The following C5orf15 variants were observed in gnomAD, a reference collection of about 807,000 sequenced individuals.
C5orf15 encodes the protein keratinocyte-associated transmembrane protein 2.
Under a neutral mutation model 17.8 loss-of-function variants are expected in C5orf15, and 10 were observed. The ratio of observed to expected loss-of-function variants is 0.56; its 90% CI spans 0.35 to 0.95. C5orf15 has a LOEUF of 0.95. C5orf15 is among the 40% of genes least tolerant of loss of function. C5orf15 has a pLI of 0.02. For synonymous variants in C5orf15, 124 were observed against 131.0 expected, an observed-to-expected ratio of 0.95 and a Z score of 0.36; for missense variants, 319 against 331.7, an observed-to-expected ratio of 0.96 and a Z score of 0.30.
intron 1 of C5orf15, among the ~76,000 whole-genome samples, chr5:133,965,601 T>C (rs1752180736): frequency 6.6e-6 from 1 of 152,214 alleles, no homozygotes; most frequent in Non-Finnish European, 1.5e-5. Flanking sequence ...CTAATTGATA[T>C]TACCTCTCTA....
In C5orf15 at chr5:133,956,725, A is replaced by G; in HGVS notation, c.*134T>C. The stretch of plus-strand genomic sequence containing the variant: ...ATTATATACTCGTTTGTGACATTTA[A>G]TTTCCAAAGCACCAAGGCAAAAGAG... On this transcript the variant is annotated 3_prime_UTR_variant, in exon 3 of 3. Coordinates refer to ENST00000231512, the MANE Select transcript of C5orf15 (RefSeq NM_020199.3). 1.2e-6 allele frequency: 1 copy of G among 855,188 alleles called. No homozygotes were observed. 53.0% of individuals were successfully genotyped at this position (855,188 alleles called of 1,614,324 possible).
intron 1 of C5orf15, 52 bp from the exon 2 acceptor site, chr5:133,960,072 A>T: frequency 4.0e-6 from 6 of 1,508,424 alleles, no homozygotes; most frequent in Middle Eastern, 2.0e-4. Context: ...ATCTCCACCA[A>T]GCTAAAAGCA....
intron 1 of C5orf15, among the ~76,000 whole-genome samples, chr5:133,963,694 C>G (rs1752152660): frequency 6.6e-6 from 1 of 151,240 alleles, no homozygotes; most frequent in African/African-American, 2.4e-5. Flanking sequence ...CTAAATACAT[C>G]AATTAAAAAA....
chr5:133,966,479 C>T (rs1688715355), intron 1 of C5orf15, among the ~76,000 whole-genome samples: 1 of 152,138 alleles, frequency 6.6e-6, no homozygotes, highest in African/African-American at 2.4e-5. Context: ...GAATTAGTCA[C>T]CCAGTGATCC....
At chr5:133,965,843 T>C (rs561725005) in intron 1 of C5orf15, among the ~76,000 whole-genome samples, 8 of 152,326 alleles carry the variant, frequency 5.3e-5, no homozygotes, top group African/African-American at 1.9e-4. Context: ...GAGGACTGCT[T>C]GAGCCCAGGA....
At chr5:133,963,834 A>G (rs1426378477) in intron 1 of C5orf15, among the ~76,000 whole-genome samples, 1 of 152,232 alleles carries the variant, frequency 6.6e-6, no homozygotes. Flanking sequence ...AGCTTTATTC[A>G]TAATAGCCAA....
intron 2 of C5orf15, among the ~76,000 whole-genome samples, chr5:133,957,373 A>C (rs973624688): frequency 2.6e-5 from 4 of 152,118 alleles, no homozygotes; most frequent in African/African-American, 4.8e-5. Flanking sequence ...AAAAAAAAAA[A>C]AAAACAAAAG....
rs767830014 is a variant in C5orf15 at position 133,955,549 on chromosome 5, T to G, written c.*1310A>C. 3 of 152,656 alleles carry G rather than the reference T, an allele frequency of 2.0e-5. No homozygotes were observed. Among genetic ancestry groups the G allele is most frequent in the Non-Finnish European group, 2.9e-5 (2 of 68,040 alleles). 9.5% of individuals were successfully genotyped at this position (152,656 alleles called of 1,614,324 possible). A position where few individuals can be genotyped will look rare whatever the true frequency, so the allele number is the denominator to read the frequency against. On this transcript the variant is annotated 3_prime_UTR_variant, in exon 3 of 3. Transcript: ENST00000231512. ...TGCCATTTATTTTTTAAAATCTTAT[T>G]CAAAATATTAAATAATAGTTTCAGA...
intron 1 of C5orf15, among the ~76,000 whole-genome samples, chr5:133,962,090 C>A (rs953358436): frequency 1.3e-5 from 2 of 151,898 alleles, no homozygotes; most frequent in Non-Finnish European, 2.9e-5. Context: ...ATTTTCCTGC[C>A]AAAGTACAAA....
chr5:133,961,737 T>C (rs961800355), intron 1 of C5orf15, among the ~76,000 whole-genome samples: 4 of 151,920 alleles, frequency 2.6e-5, no homozygotes, highest in Non-Finnish European at 4.4e-5. Flanking sequence ...CCTGGCTTTT[T>C]TTATTTTTCA....
intron 1 of C5orf15, among the ~76,000 whole-genome samples, chr5:133,967,749 C>T (rs1273920382): frequency 2.0e-5 from 3 of 152,188 alleles, no homozygotes; most frequent in African/African-American, 7.2e-5. Flanking sequence ...GCCTCCCAAG[C>T]CTTCAGGGGC....
At chr5:133,960,950 A>C (rs1561574791) in intron 1 of C5orf15, among the ~76,000 whole-genome samples, 6 of 151,628 alleles carry the variant, frequency 4.0e-5, no homozygotes, top group Admixed American at 2.6e-4. Context: ...AAAAAAAAAA[A>C]CCTCTGTCAT....
intron 1 of C5orf15, among the ~76,000 whole-genome samples, chr5:133,963,310 T>C (rs1385952827): frequency 6.6e-6 from 1 of 152,166 alleles, no homozygotes; most frequent in African/African-American, 2.4e-5. Context: ...TAAAAGAACT[T>C]CCAAGAACGA....
At chr5:133,958,528 G>A (rs2126876206) in intron 2 of C5orf15, among the ~76,000 whole-genome samples, 1 of 123,014 alleles carries the variant, frequency 8.1e-6, no homozygotes, top group East Asian at 2.6e-4. Context: ...AGTGAGCCGA[G>A]ATCGCACCAC....
chr5:133,964,907 C>T (rs182072175), intron 1 of C5orf15, among the ~76,000 whole-genome samples: 1 of 152,290 alleles, frequency 6.6e-6, no homozygotes, highest in Non-Finnish European at 1.5e-5. Context: ...TGCTTCCACC[C>T]TAACTTCTAC....
intron 1 of C5orf15, among the ~76,000 whole-genome samples, chr5:133,967,648 C>T (rs1452840977): frequency 1.3e-5 from 2 of 152,286 alleles, no homozygotes; most frequent in East Asian, 3.9e-4. Flanking sequence ...TCAAATCCTA[C>T]AGATGCATTA....
At chr5:133,963,718 A>C (rs1380760575) in intron 1 of C5orf15, among the ~76,000 whole-genome samples, 2 of 152,182 alleles carry the variant, frequency 1.3e-5, no homozygotes, top group Non-Finnish European at 2.9e-5. Flanking sequence ...AGACTGGCAG[A>C]CTCAACTACA....
chr5:133,968,557 T>C lies in C5orf15; in HGVS notation c.28A>G (p.Arg10Gly). 1.9e-6 allele frequency: 3 copies of C among 1,609,952 alleles called. No homozygotes were observed. The highest frequency in any genetic ancestry group is 2.5e-6 in the Non-Finnish European group (3 of 1,178,726). The change falls in exon 1 of 3, where the codon AGG (arginine) becomes GGG (glycine). Residue 10 changes from arginine to glycine, a missense_variant. Transcript: ENST00000231512. MAAAVPKRM[R>G]GPAQAKLLPG... Reference sequence around the variant, plus strand: ...AGCAGTTTCGCTTGTGCTGGCCCCCTCATCCTCTTCGGGACGGCAGCGGCC... The same window carrying C: ...AGCAGTTTCGCTTGTGCTGGCCCCCCCATCCTCTTCGGGACGGCAGCGGCC...
chr5:133,961,311 C>T (rs1162351686), intron 1 of C5orf15, among the ~76,000 whole-genome samples: 5 of 146,802 alleles, frequency 3.4e-5, no homozygotes, highest in Admixed American at 6.9e-5. Flanking sequence ...TTTGGGAGGC[C>T]GAGGCAGGCT....
Sources: gnomAD v4.1 joint callset for allele counts (sites outside exome capture counted in the v4.1 genomes callset) on GRCh38, gnomAD v4.1.1 for gene constraint, MANE v1.5 for transcripts, NCBI Gene and HGNC (gene_info 2026-07-23, HGNC 2026-07-21) for gene names.